TTC39C: variants seen among roughly 807,000 people sequenced by gnomAD.
TTC39C encodes tetratricopeptide repeat protein 39C.
In TTC39C, 33 loss-of-function variants were observed where a neutral mutation model predicts 76.3. That is an observed-to-expected ratio of 0.43 (90% CI 0.33 to 0.58). The LOEUF (loss-of-function observed/expected upper bound fraction) is 0.58, where lower values mean the gene tolerates loss of function less well. TTC39C is among the 20% of genes least tolerant of loss of function. TTC39C has a pLI of 0.04. For missense variants in TTC39C, 595 were observed against 701.4 expected, an observed-to-expected ratio of 0.85 and a Z score of 1.71; for synonymous variants, 254 against 260.6, an observed-to-expected ratio of 0.97 and a Z score of 0.24.
chr18:24,086,573 T>C (rs1245486267), intron 6 of TTC39C, among the ~76,000 whole-genome samples: 2 of 152,174 alleles, frequency 1.3e-5, no homozygotes, highest in African/African-American at 4.8e-5. Context: ...TTGCAGTGAG[T>C]GCTACACCAT....
chr18:24,011,327 A>G (rs1478013833), upstream of TTC39C, among the ~76,000 whole-genome samples: 1 of 152,226 alleles, frequency 6.6e-6, no homozygotes, highest in Non-Finnish European at 1.5e-5. Context: ...AATTAAAGCC[A>G]GTGAGATTTA....
intron 6 of TTC39C, chr18:24,099,333 G>A (rs1235270868): frequency 1.3e-5 from 2 of 151,658 alleles, no homozygotes; most frequent in African/African-American, 4.8e-5. Context: ...TGGAAAGGGG[G>A]CTAGAGAGCA....
chr18:24,113,942 T>A (rs2084854117), intron 6 of TTC39C: 1 of 465,506 alleles, frequency 2.1e-6, no homozygotes, highest in Non-Finnish European at 3.9e-6. Context: ...AGAGGAGATT[T>A]GATGAGCAGA....
intron 6 of TTC39C, among the ~76,000 whole-genome samples, chr18:24,103,323 C>T (rs1311628913): frequency 6.6e-6 from 1 of 152,172 alleles, no homozygotes; most frequent in African/African-American, 2.4e-5. Flanking sequence ...AGTTGGAGAT[C>T]TGTGTCTTCT....
At position 24,050,653 on chromosome 18, in the gene TTC39C, C is replaced by T. The variant is rs895612284; in HGVS notation, c.168-13487C>T. 7.3e-5 allele frequency among the ~76,000 whole-genome samples: 11 copies of T among 151,572 alleles called. No individual in the cohort carries two copies. The East Asian group carries it at 7.8e-4, about 11-fold the overall frequency. ...TTGGGAGGCTGAGGAGGGTGGATCA[C>T]CTGAGGTCAGGAGTTCGAGACCAGC... On this transcript the variant is annotated intron_variant, in intron 1 of 13. Coordinates refer to ENST00000317571, the MANE Select transcript of TTC39C (RefSeq NM_001135993.2).
intron 1 of TTC39C, 95 bp downstream of exon 1, chr18:24,015,133 C>G: frequency 2.5e-6 from 3 of 1,195,850 alleles, no homozygotes; most frequent in East Asian, 6.4e-5. Context: ...CCCCCTCCCC[C>G]TCCTGTCGGT....
Position 24,131,917 on chromosome 18 carries a change from A to C in TTC39C, c.1659A>C (p.Ala553=), listed in dbSNP as rs1243202540. 3 of 1,613,338 alleles carry C rather than the reference A, an allele frequency of 1.9e-6. No homozygotes were observed. The highest frequency in any genetic ancestry group is 1.1e-5 in the South Asian group (1 of 90,918). ...VGRGRALLLQ[A]KEDFSGYDFE... Reference sequence around the variant, plus strand: ...GAGGCAGAGCTCTACTTCTTCAAGCAAAGGTAAATATCCTGAATCTACCTT... The same window carrying C: ...GAGGCAGAGCTCTACTTCTTCAAGCCAAGGTAAATATCCTGAATCTACCTT... The change falls in exon 13 of 14, where the codon GCA becomes GCC. Residue 553 remains alanine, a synonymous_variant. Transcript: ENST00000317571.
chr18:24,088,474 A>T (rs1013624416), intron 6 of TTC39C, among the ~76,000 whole-genome samples: 3 of 152,230 alleles, frequency 2.0e-5, no homozygotes, highest in Non-Finnish European at 4.4e-5. Flanking sequence ...AGAATGGAAC[A>T]GTTCGGATTG....
rs2145836619 is a variant in TTC39C, at chr18:24,133,360, C to A, written c.*786C>A. 1 of 152,240 alleles carries A rather than the reference C, an allele frequency of 6.6e-6. No individual in the cohort carries two copies. The highest frequency in any genetic ancestry group is 6.6e-5 in the Admixed American group (1 of 15,266). 9.4% of individuals were successfully genotyped at this position (152,240 alleles called of 1,614,324 possible). On this transcript the variant is annotated 3_prime_UTR_variant, in exon 14 of 14. Coordinates refer to ENST00000317571, the MANE Select transcript of TTC39C (RefSeq NM_001135993.2). Reference sequence around the variant, plus strand: ...CACTCTTTTTCCTTTGAAAGCCAACCAAGTAAGAGCAAATATTAATAGAAG... The same window carrying A: ...CACTCTTTTTCCTTTGAAAGCCAACAAAGTAAGAGCAAATATTAATAGAAG...
chr18:24,020,202 C>T, intron 1 of TTC39C: 2 of 1,122,506 alleles, frequency 1.8e-6, no homozygotes, highest in Non-Finnish European at 2.2e-6. Context: ...CTCTTCAACT[C>T]AGTGGTGTGT....
chr18:24,114,343 T>C (rs2084863722), intron 6 of TTC39C: 2 of 462,708 alleles, frequency 4.3e-6, no homozygotes, highest in Non-Finnish European at 7.8e-6. Flanking sequence ...CCTTACCACC[T>C]GAGCAAGGAG....
At chr18:24,109,740 C>T (rs1407340155) in intron 6 of TTC39C, among the ~76,000 whole-genome samples, 1 of 152,136 alleles carries the variant, frequency 6.6e-6, no homozygotes, top group Non-Finnish European at 1.5e-5. Flanking sequence ...TGCAGTGGCT[C>T]ATGTCTGTAA....
chr18:24,084,686 C>G (rs1364325113), intron 6 of TTC39C, among the ~76,000 whole-genome samples: 50 of 151,938 alleles, frequency 3.3e-4, no homozygotes, highest in Admixed American at 3.3e-3. Flanking sequence ...AGACGGGTCT[C>G]ACCCTGTTGC....
intron 6 of TTC39C, among the ~76,000 whole-genome samples, chr18:24,086,541 T>A (rs1703403344): frequency 6.6e-6 from 1 of 152,236 alleles, no homozygotes; most frequent in Admixed American, 6.5e-5. Context: ...TTGGCTGTTT[T>A]CTGTTATGGC....
At chr18:24,124,132 G>A in intron 9 of TTC39C, 189 bp downstream of exon 9, 1 of 435,082 alleles carries the variant, frequency 2.3e-6, no homozygotes, top group Non-Finnish European at 4.0e-6. Context: ...TTCTTGCCTT[G>A]CTGCAAATAA....
intron 6 of TTC39C, chr18:24,113,604 T>C (rs1436049247): frequency 1.0e-5 from 7 of 702,180 alleles, no homozygotes; most frequent in Non-Finnish European, 1.6e-5. Context: ...AAGAAAGAAA[T>C]GCATGCACCG....
chr18:24,131,716 A>C (rs1338100767), intron 12 of TTC39C, among the ~76,000 whole-genome samples, 166 bp from the exon 13 acceptor site: 9 of 150,688 alleles, frequency 6.0e-5, no homozygotes, highest in Admixed American at 6.0e-4. Context: ...CCATCTCAAA[A>C]AAAAAAAAAA....
At chr18:24,128,026 G>C (rs905494272) in intron 10 of TTC39C, among the ~76,000 whole-genome samples, 1 of 151,842 alleles carries the variant, frequency 6.6e-6, no homozygotes, top group Non-Finnish European at 1.5e-5. Context: ...TGCTCAGCAC[G>C]GTCCTCCTCC....
intron 6 of TTC39C, among the ~76,000 whole-genome samples, chr18:24,090,653 A>G (rs2084505140): frequency 6.6e-6 from 1 of 152,092 alleles, no homozygotes; most frequent in Admixed American, 6.5e-5. Context: ...AAAGAAGGAA[A>G]AAATGGAAAG....
Sources: allele counts gnomAD v4.1 joint callset (sites outside exome capture counted in the v4.1 genomes callset), GRCh38; gene constraint gnomAD v4.1.1; transcripts MANE v1.5; gene names NCBI Gene and HGNC (gene_info 2026-07-23, HGNC 2026-07-21).